Variants in TBC1D4 observed in about 807,000 individuals in gnomAD.
TBC1D4 encodes TBC (Tre-2, BUB2, CDC16) domain-containing protein.
A neutral mutation model predicts 142.5 loss-of-function variants in TBC1D4; 121 were observed. The observed-to-expected ratio is 0.85, with a 90% CI of 0.73 to 0.99. The LOEUF is 0.99. Among genes scored for constraint, TBC1D4 ranks in the 50% least tolerant of loss-of-function variants. The probability of loss-of-function intolerance (pLI) is 0.00; values close to 1 mark genes in which losing one functional copy is unlikely to be tolerated. For synonymous variants in TBC1D4, 630 were observed against 628.2 expected, an observed-to-expected ratio of 1.00 and a Z score of -0.04; for missense variants, 1,475 against 1,606.6, an observed-to-expected ratio of 0.92 and a Z score of 1.40.
Position 75,379,885 on chromosome 13 carries a change from C to CTTTTTTTTTTTTT in TBC1D4, c.499-17279_499-17278insAAAAAAAAAAAAA, listed in dbSNP as rs1883718060. On this transcript the variant is annotated intron_variant, in intron 1 of 20. Transcript: ENST00000377636. ...AAGTATATCAGTTTTGTTCATCTGA[C>CTTTTTTTTTTTTT]TCTTTTTTTTTTTTTTTTTTTTTTT... is the stretch of plus-strand genomic sequence containing the variant. Among the ~76,000 whole-genome samples the CTTTTTTTTTTTTT allele has an allele frequency of 4.1e-5, 4 of 98,536 alleles. 1 individual carries two copies. The highest frequency in any genetic ancestry group is 6.0e-5 in the Non-Finnish European group (3 of 50,102). The allele number at this position is 98,536 out of a possible 152,430, so 64.6% of individuals were successfully genotyped here.
At chr13:75,474,553 C>T (rs1476402224) in intron 1 of TBC1D4, among the ~76,000 whole-genome samples, 4 of 151,972 alleles carry the variant, frequency 2.6e-5, no homozygotes, top group African/African-American at 7.3e-5. Context: ...AGTCAGACTC[C>T]GTCTCAAAAA....
intron 12 of TBC1D4, among the ~76,000 whole-genome samples, chr13:75,318,052 C>T (rs1169022961): frequency 6.6e-6 from 1 of 152,176 alleles, no homozygotes; most frequent in East Asian, 1.9e-4. Flanking sequence ...ATTAACATCC[C>T]ACTTCTTATT....
At chr13:75,382,889 G>A (rs533771980) in intron 1 of TBC1D4, among the ~76,000 whole-genome samples, 56 of 152,208 alleles carry the variant, frequency 3.7e-4, no homozygotes, top group Middle Eastern at 3.4e-3. Flanking sequence ...AATTTCACCC[G>A]TCTCTTTTGA....
chr13:75,291,280 T>C (rs1875276781), intron 19 of TBC1D4, among the ~76,000 whole-genome samples: 1 of 152,110 alleles, frequency 6.6e-6, no homozygotes, highest in African/African-American at 2.4e-5. Context: ...TGGGTATTTC[T>C]TCCCTGATCC....
At chr13:75,386,351 ATG>A (rs1417484781) in intron 1 of TBC1D4, among the ~76,000 whole-genome samples, 2 of 151,490 alleles carry the variant, frequency 1.3e-5, no homozygotes, top group African/African-American at 2.4e-5. Context: ...AAAATAATAA[ATG>A]TGCTTTTAAT....
At chr13:75,459,098 G>A (rs957143470) in intron 1 of TBC1D4, among the ~76,000 whole-genome samples, 2 of 151,956 alleles carry the variant, frequency 1.3e-5, no homozygotes, top group Admixed American at 6.6e-5. Context: ...ACCTGCTTCC[G>A]CCAGCAAGCC....
intron 1 of TBC1D4, among the ~76,000 whole-genome samples, chr13:75,456,463 A>G (rs1887738826): frequency 6.6e-6 from 1 of 152,186 alleles, no homozygotes. Flanking sequence ...ACAAATCATA[A>G]GACAATTTTT....
intron 1 of TBC1D4, among the ~76,000 whole-genome samples, chr13:75,452,753 C>T (rs1333033824): frequency 6.6e-6 from 1 of 151,990 alleles, no homozygotes; most frequent in African/African-American, 2.4e-5. Flanking sequence ...ATGAGTGATA[C>T]GGAGGAGTGA....
At chr13:75,450,774 A>G (rs9543931) in intron 1 of TBC1D4, among the ~76,000 whole-genome samples, 1 of 152,154 alleles carries the variant, frequency 6.6e-6, no homozygotes, top group Non-Finnish European at 1.5e-5. Context: ...CCTGGTGGCC[A>G]CAAGCCCCAC....
intron 1 of TBC1D4, among the ~76,000 whole-genome samples, chr13:75,393,293 T>C (rs1442284822): frequency 6.6e-6 from 1 of 152,086 alleles, no homozygotes; most frequent in Non-Finnish European, 1.5e-5. Context: ...TTCACCCCCA[T>C]TCTCCCAGGC....
chr13:75,302,668 A>T, intron 15 of TBC1D4: 1 of 511,124 alleles, frequency 2.0e-6, no homozygotes, highest in Non-Finnish European at 3.5e-6. Context: ...AGCATTAATA[A>T]AACATTTATT....
chr13:75,451,279 G>T (rs1029361736), intron 1 of TBC1D4, among the ~76,000 whole-genome samples: 2 of 151,860 alleles, frequency 1.3e-5, no homozygotes, highest in South Asian at 4.2e-4. Context: ...GCACATAAAA[G>T]GTGCTCTATA....
intron 1 of TBC1D4, among the ~76,000 whole-genome samples, chr13:75,373,526 G>T (rs757623237): frequency 7.2e-5 from 11 of 152,150 alleles, no homozygotes; most frequent in Non-Finnish European, 1.6e-4. Context: ...CACTTTTTGT[G>T]GGTGAAGGAA....
At chr13:75,364,695 G>A (rs1438845352) in intron 1 of TBC1D4, among the ~76,000 whole-genome samples, 1 of 152,240 alleles carries the variant, frequency 6.6e-6, no homozygotes, top group Non-Finnish European at 1.5e-5. Flanking sequence ...AAAGCCCTAG[G>A]AGAATGATCT....
At chr13:75,397,882 T>C (rs1348369002) in intron 1 of TBC1D4, among the ~76,000 whole-genome samples, 3 of 152,218 alleles carry the variant, frequency 2.0e-5, no homozygotes, top group African/African-American at 7.2e-5. Flanking sequence ...CTTTGATTAA[T>C]AGAAGCAATT....
At chr13:75,409,697 G>A (rs1202503780) in intron 1 of TBC1D4, among the ~76,000 whole-genome samples, 1 of 152,184 alleles carries the variant, frequency 6.6e-6, no homozygotes, top group East Asian at 1.9e-4. Flanking sequence ...TCTCTTTAAT[G>A]AATTTATATT....
intron 12 of TBC1D4, among the ~76,000 whole-genome samples, chr13:75,317,400 G>A (rs545353423): frequency 9.2e-5 from 14 of 152,188 alleles, no homozygotes; most frequent in East Asian, 1.9e-4. Flanking sequence ...TCAGGTGCTC[G>A]TTTATGTAAA....
rs765792256 is a variant in TBC1D4, at chr13:75,481,421, A to T, written c.347T>A (p.Val116Glu). The change falls in exon 1 of 21, where the codon GTA becomes GAA. Residue 116 changes from valine (V) to glutamate (E), a missense_variant. Around this residue, in one of 2 missense-constraint regions of TBC1D4, gnomAD observed 1,227 missense variants for 1,267.7 expected, o/e 0.97. Transcript: ENST00000377636. Reference protein sequence around the residue: ...SPSATQPNPAVFIFEHKAQHI... With the variant: ...SPSATQPNPAEFIFEHKAQHI... ...CTGCGCCTTGTGCTCGAAGATGAAT[A>T]CCGCCGGGTTGGGCTGCGTGGCCGA... 1 of 1,613,686 alleles carries T rather than the reference A, an allele frequency of 6.2e-7. No homozygotes were observed.
chr13:75,374,810 G>A (rs1036911935), intron 1 of TBC1D4, among the ~76,000 whole-genome samples: 2 of 151,908 alleles, frequency 1.3e-5, no homozygotes, highest in African/African-American at 2.4e-5. Context: ...AGAATAAGAT[G>A]AGCCCAATTG....
Sources: gnomAD v4.1 joint callset for allele counts (sites outside exome capture counted in the v4.1 genomes callset) on GRCh38, gnomAD v4.1.1 for gene constraint, gnomAD v4.1.1 regional missense constraint, MANE v1.5 for transcripts, NCBI Gene and HGNC (gene_info 2026-07-23, HGNC 2026-07-21) for gene names.